The following SPTBN1 variants were observed in gnomAD, a reference collection of about 807,000 sequenced individuals.
SPTBN1 encodes the protein spectrin beta chain, non-erythrocytic 1.
SPTBN1 carries 32 observed loss-of-function variants against 266.4 expected under a neutral mutation model. That is an observed-to-expected ratio of 0.12 (90% CI 0.09 to 0.16). SPTBN1 has a LOEUF of 0.16. Among genes scored for constraint, SPTBN1 ranks in the 10% least tolerant of loss-of-function variants. The pLI is 1.00. For missense variants in SPTBN1, 2,296 were observed against 3,067.1 expected (o/e 0.75, Z 5.94); for synonymous variants, 1,336 against 1,162.2 (o/e 1.15, Z -3.04).
At chr2:54,489,439 A>G (rs1223622440) in intron 1 of SPTBN1, among the ~76,000 whole-genome samples, 2 of 150,734 alleles carry the variant, frequency 1.3e-5, no homozygotes, top group Non-Finnish European at 3.0e-5. Flanking sequence ...GGTGGCTCAC[A>G]CCTGTAATCC....
intron 1 of SPTBN1, among the ~76,000 whole-genome samples, chr2:54,480,609 A>G (rs1254147952): frequency 6.6e-6 from 1 of 152,238 alleles, no homozygotes. Flanking sequence ...TGAAACATGT[A>G]GTCCAGATCC....
intron 3 of SPTBN1, among the ~76,000 whole-genome samples, chr2:54,602,784 C>G (rs1187614832): frequency 6.6e-6 from 1 of 152,130 alleles, no homozygotes; most frequent in Admixed American, 6.5e-5. Context: ...GCAGGCTGAG[C>G]TAGGTGGAGA....
At position 54,647,277 on chromosome 2, in the gene SPTBN1, T is replaced by C; in HGVS notation, c.4997+16T>C. On this transcript the variant is annotated intron_variant, in intron 24 of 35. Coordinates refer to ENST00000356805, the MANE Select transcript of SPTBN1 (RefSeq NM_003128.3). ...ATCCTGAAAGGTGAGCGCTGCTTCATGAGTGTGAGACCCGGCTCTCGATTC... is the reference window on the plus strand; with the variant it reads ...ATCCTGAAAGGTGAGCGCTGCTTCACGAGTGTGAGACCCGGCTCTCGATTC... The C allele has an allele frequency of 6.2e-7, 1 of 1,613,154 alleles. No homozygotes were observed. The highest frequency in any genetic ancestry group is 8.5e-7 in the Non-Finnish European group (1 of 1,179,908).
chr2:54,649,037 G>C lies in SPTBN1; in HGVS notation c.5049G>C (p.Leu1683=). ...AAGTGGATAAACTGTACGCTGGTCT[G>C]AAAGACCTTGCTGAAGAGAGAAGAG... The part of the protein sequence containing the change: ...QSKVDKLYAG[L]KDLAEERRGK... The change falls in exon 25 of 36, where the codon CTG becomes CTC. Residue 1683 remains leucine, a synonymous_variant. Transcript: ENST00000356805. This position sits in a 1 kb window ranked among gnomAD's most constrained non-coding sequence, Gnocchi z 6.7. The C allele has an allele frequency of 6.2e-7, 1 of 1,614,176 alleles. No homozygotes were observed. Among genetic ancestry groups the C allele is most frequent in the Middle Eastern group, 1.6e-4 (1 of 6,062 alleles).
intron 2 of SPTBN1, among the ~76,000 whole-genome samples, chr2:54,578,780 T>C (rs1004439314): frequency 6.9e-6 from 1 of 144,380 alleles, no homozygotes; most frequent in African/African-American, 2.6e-5. Flanking sequence ...GTGTGTGTGA[T>C]GATAATTCTG....
chr2:54,628,944 T>C lies in SPTBN1; in HGVS notation c.1810T>C (p.Cys604Arg). 1 of 1,601,562 alleles carries C rather than the reference T, an allele frequency of 6.2e-7. No individual in the cohort carries two copies. The highest frequency in any genetic ancestry group is 8.5e-7 in the Non-Finnish European group (1 of 1,173,596). ...FATDGEGYKP[C>R]DPQVIRDRVA... ...TTGATGTTAAACAGGTTACAAGCCCTGTGACCCCCAGGTGATCCGAGACCG... is the reference window on the plus strand; with the variant it reads ...TTGATGTTAAACAGGTTACAAGCCCCGTGACCCCCAGGTGATCCGAGACCG... The change falls in exon 14 of 36, where the codon TGT becomes CGT. Residue 604 changes from cysteine to arginine, a missense_variant. Physicochemically the swap from Cys to Arg is radical, Grantham distance 180 (BLOSUM62 -3). Transcript: ENST00000356805. This position sits in a 1 kb window ranked among gnomAD's most constrained non-coding sequence, Gnocchi z 4.3.
At chr2:54,530,018 G>A (rs1671117404) in intron 2 of SPTBN1, among the ~76,000 whole-genome samples, 1 of 152,070 alleles carries the variant, frequency 6.6e-6, no homozygotes, top group Admixed American at 6.5e-5. Context: ...TGGGGTTTCT[G>A]CTGAACATGC....
At position 54,554,642 on chromosome 2, in the gene SPTBN1, A is replaced by G. The variant is rs1021582466; in HGVS notation, c.148+28076A>G. Among the ~76,000 whole-genome samples, 3 of 152,218 alleles carry G rather than the reference A, an allele frequency of 2.0e-5. No individual in the cohort carries two copies. In the East Asian group the frequency reaches 5.8e-4, roughly 29 times the overall value. Reference sequence around the variant, plus strand: ...GATTGAGAGGCCCAGAGAACATCAGAAACATGCTCAAGATTACATAGCTCC... The same window carrying G: ...GATTGAGAGGCCCAGAGAACATCAGGAACATGCTCAAGATTACATAGCTCC... On this transcript the variant is annotated intron_variant, in intron 2 of 35. Transcript: ENST00000356805. The surrounding 1 kb of genome is among the most constrained non-coding windows in gnomAD (Gnocchi z 4.5).
Position 54,462,296 on chromosome 2 carries a change from G to A in SPTBN1, c.-48+5778G>A, listed in dbSNP as rs143121843. ...AAACTACCTAAACCTTTTTATGTCA[G>A]GAGAGCTATTAAATGGCTTATTCTA... On this transcript the variant is annotated intron_variant, in intron 1 of 35. Coordinates refer to ENST00000356805, the MANE Select transcript of SPTBN1 (RefSeq NM_003128.3). Among the ~76,000 whole-genome samples the A allele has an allele frequency of 6.1e-4, 93 of 152,254 alleles. 1 individual carries two copies. Among genetic ancestry groups the A allele is most frequent in the African/African-American group, 2.0e-3 (85 of 41,556 alleles).
intron 9 of SPTBN1, among the ~76,000 whole-genome samples, chr2:54,623,204 C>G (rs1415672957): frequency 6.6e-6 from 1 of 152,160 alleles, no homozygotes; most frequent in East Asian, 1.9e-4. Flanking sequence ...GAAGTAAGTC[C>G]ATTGTCCAGG....
At chr2:54,474,561 A>C (rs780757408) in intron 1 of SPTBN1, among the ~76,000 whole-genome samples, 3 of 152,196 alleles carry the variant, frequency 2.0e-5, no homozygotes, top group Non-Finnish European at 4.4e-5. Context: ...TAGTGCCTGG[A>C]AATATGTAAG....
Position 54,622,369 on chromosome 2 carries a change from G to A in SPTBN1, c.946G>A (p.Glu316Lys). 1 of 1,614,166 alleles carries A rather than the reference G, an allele frequency of 6.2e-7. No individual in the cohort carries two copies. Among genetic ancestry groups the A allele is most frequent in the Admixed American group, 1.7e-5 (1 of 60,012 alleles). The change falls in exon 9 of 36, where the codon GAA becomes AAA. Residue 316 changes from glutamate to lysine, a missense_variant. Glu to Lys is a moderately conservative substitution (Grantham distance 56). This residue lies in a region of SPTBN1 where 148 missense variants were observed against 203.8 expected (regional missense o/e 0.73). Transcript: ENST00000356805. ...KYESLASDLLEWIEQTIIILN... is the reference protein window; with the variant it reads ...KYESLASDLLKWIEQTIIILN... ...TGAATCACTTGCCTCTGACCTTCTG[G>A]AATGGATTGAACAAACCATCATCAT...
At position 54,669,110 on chromosome 2, in the gene SPTBN1, A is replaced by G. The variant is rs572719554; in HGVS notation, c.*541A>G. On this transcript the variant is annotated 3_prime_UTR_variant, in exon 36 of 36. Coordinates refer to ENST00000356805, the MANE Select transcript of SPTBN1 (RefSeq NM_003128.3). The stretch of plus-strand genomic sequence containing the variant: ...CCACATTAACTCTACAGACCAAACC[A>G]TTTGTATCTGGCATCACTTACTAAC... 6.5e-6 allele frequency: 1 copy of G among 154,328 alleles called. No homozygotes were observed. The highest frequency in any genetic ancestry group is 1.9e-4 in the East Asian group (1 of 5,190). The allele number at this position is 154,328 out of a possible 1,614,324, so 9.6% of individuals were successfully genotyped here.
chr2:54,645,501 C>A lies in SPTBN1; in HGVS notation c.4494+48C>A. On this transcript the variant is annotated intron_variant, in intron 21 of 35. Transcript: ENST00000356805. This position sits in a 1 kb window ranked among gnomAD's most constrained non-coding sequence, Gnocchi z 4.3. ...CATGGCTTTTCCACGAGCCCCCTTGCCTGTGCTAAAGCCCACATTCTCACT... is the reference window on the plus strand; with the variant it reads ...CATGGCTTTTCCACGAGCCCCCTTGACTGTGCTAAAGCCCACATTCTCACT... 1 of 1,585,826 alleles carries A rather than the reference C, an allele frequency of 6.3e-7. No individual in the cohort carries two copies. Among genetic ancestry groups the A allele is most frequent in the Non-Finnish European group, 8.6e-7 (1 of 1,161,562 alleles).
intron 26 of SPTBN1, among the ~76,000 whole-genome samples, chr2:54,651,957 T>C (rs935046190): frequency 2.0e-5 from 3 of 152,168 alleles, no homozygotes; most frequent in Non-Finnish European, 4.4e-5. Flanking sequence ...TTCTGTGCAA[T>C]CAGGGGTCAG....
intron 1 of SPTBN1, among the ~76,000 whole-genome samples, chr2:54,470,436 A>G (rs912942816): frequency 8.5e-5 from 13 of 152,204 alleles, no homozygotes; most frequent in Non-Finnish European, 1.8e-4. Flanking sequence ...TTTTAAAGTC[A>G]GTGGTATTTC....
chr2:54,663,617 C>T (rs1199796040), intron 32 of SPTBN1: 2 of 152,218 alleles, frequency 1.3e-5, no homozygotes, highest in Non-Finnish European at 2.9e-5. Context: ...TGGGCTTTCT[C>T]GTCTCAGTGC....
Position 54,599,184 on chromosome 2 carries a change from G to C in SPTBN1, c.241G>C (p.Asp81His). Residue 81 changes from aspartate to histidine, a missense_variant, in exon 3 of 36, where the codon GAC becomes CAC. Asp to His is a moderately conservative substitution (Grantham distance 81). This residue lies in a region of SPTBN1 where 178 missense variants were observed against 375.7 expected (regional missense o/e 0.47). Transcript: ENST00000356805. Reference protein sequence around the residue: ...VSCRITDLYTDLRDGRMLIKL... With the variant: ...VSCRITDLYTHLRDGRMLIKL... ...CTGCCGGATCACAGACCTGTACACT[G>C]ACCTTCGAGATGGACGGATGCTCAT... 6.2e-7 allele frequency: 1 copy of C among 1,614,186 alleles called. No individual in the cohort carries two copies. The highest frequency in any genetic ancestry group is 8.5e-7 in the Non-Finnish European group (1 of 1,180,044).
In SPTBN1 at chr2:54,549,270, T is replaced by C. The variant is rs926990327; in HGVS notation, c.148+22704T>C. Among the ~76,000 whole-genome samples the C allele has an allele frequency of 5.5e-5, 6 of 109,286 alleles. No homozygotes were observed. The Admixed American group carries it at 6.2e-4, about 11-fold the overall frequency. The allele number at this position is 109,286 out of a possible 152,430, so 71.7% of individuals were successfully genotyped here. ...TGCCATTGCACTCCAGCCTGGGCAA[T>C]AAGAGTGAAACTCTGTCTCAAAAAA... On this transcript the variant is annotated intron_variant, in intron 2 of 35. Coordinates refer to ENST00000356805, the MANE Select transcript of SPTBN1 (RefSeq NM_003128.3).
Sources: gnomAD v4.1 joint callset for allele counts (sites outside exome capture counted in the v4.1 genomes callset) on GRCh38, gnomAD v4.1.1 for gene constraint, gnomAD v4.1.1 regional missense constraint, Gnocchi (gnomAD v3.1) non-coding constraint, MANE v1.5 for transcripts, NCBI Gene and HGNC (gene_info 2026-07-23, HGNC 2026-07-21) for gene names.